SGO2: variants seen among roughly 807,000 people sequenced by gnomAD.
The protein encoded by SGO2 is shugoshin 2.
SGO2 carries 68 observed loss-of-function variants against 99.5 expected under a neutral mutation model. That is an observed-to-expected ratio of 0.68 (90% confidence interval 0.56 to 0.84). The LOEUF is 0.84. Ranked by LOEUF, SGO2 falls within the 40% of genes least tolerant of loss-of-function variation. The probability of loss-of-function intolerance (pLI) is 0.00; values close to 1 mark genes in which losing one functional copy is unlikely to be tolerated. For missense variants in SGO2, 1,350 were observed against 1,436.7 expected, an observed-to-expected ratio of 0.94 and a Z score of 0.97; for synonymous variants, 457 against 487.1, an observed-to-expected ratio of 0.94 and a Z score of 0.81.
intron 8 of SGO2, among the ~76,000 whole-genome samples, chr2:200,578,451 C>CTGCA (rs1195469565): frequency 1.3e-5 from 2 of 152,324 alleles, no homozygotes; most frequent in African/African-American, 4.8e-5. Flanking sequence ...TCTGACAAAG[C>CTGCA]TGCACTAAAG....
In SGO2 at chr2:200,573,385, A is replaced by G. The variant is rs778096688; in HGVS notation, c.3039A>G (p.Ser1013=). 1 of 1,601,888 alleles carries G rather than the reference A, an allele frequency of 6.2e-7. No individual in the cohort carries two copies. Among genetic ancestry groups the G allele is most frequent in the South Asian group, 1.1e-5 (1 of 87,690 alleles). ...TTGCTTCACAGTTAACAGAATCTTC[A>G]CAGACATCTATCTCCTTAGAATCTG... is the stretch of plus-strand genomic sequence containing the variant. ...NKLASQLTES[S]QTSISLESDL... is the part of the protein sequence containing the mutation. The change falls in exon 7 of 9, where the codon TCA becomes TCG. Residue 1013 remains serine (S), a synonymous_variant. Coordinates refer to ENST00000357799, the MANE Select transcript of SGO2 (RefSeq NM_152524.6).
chr2:200,561,456 G>C (rs1417075859), intron 5 of SGO2, among the ~76,000 whole-genome samples: 4 of 151,720 alleles, frequency 2.6e-5, no homozygotes, highest in Non-Finnish European at 5.9e-5. Flanking sequence ...TTGGACATTT[G>C]GGTTGTATAC....
At chr2:200,535,484 G>A (rs1010094005) in intron 3 of SGO2, among the ~76,000 whole-genome samples, 1 of 152,088 alleles carries the variant, frequency 6.6e-6, no homozygotes, top group African/African-American at 2.4e-5. Context: ...TTCTTCCGGT[G>A]TTCTTGAAAG....
chr2:200,573,523 G>A lies in SGO2; in HGVS notation c.3177G>A (p.Val1059=). The change falls in exon 7 of 9, where the codon GTG becomes GTA. Residue 1059 remains valine, a synonymous_variant. Coordinates refer to ENST00000357799, the MANE Select transcript of SGO2 (RefSeq NM_152524.6). The stretch of plus-strand genomic sequence containing the variant: ...TGAATAAAAAAGATCTCCCTTTTGT[G>A]GAAGAAATAAAAGAAGGAGAGTGTC... ...TTLNKKDLPF[V]EEIKEGECQV... is the part of the protein sequence containing the mutation. 6.2e-7 allele frequency: 1 copy of A among 1,611,632 alleles called. No individual in the cohort carries two copies. The highest frequency in any genetic ancestry group is 8.5e-7 in the Non-Finnish European group (1 of 1,179,070).
chr2:200,542,671 A>G lies in SGO2; in HGVS notation c.473+7A>G, dbSNP rs1182350901. The G allele has an allele frequency of 1.9e-6, 3 of 1,607,980 alleles. No homozygotes were observed. The highest frequency in any genetic ancestry group is 2.6e-6 in the Non-Finnish European group (3 of 1,175,446). ...TGCGTCTTCCATTTGCAAGGTAAATATGGGCTTGAATTACACTAGTTCAGA... is the reference window on the plus strand; with the variant it reads ...TGCGTCTTCCATTTGCAAGGTAAATGTGGGCTTGAATTACACTAGTTCAGA... On this transcript the variant is annotated splice_region_variant and intron_variant, in intron 5 of 8. Transcript: ENST00000357799.
At chr2:200,527,015 A>G (rs184904635) in intron 1 of SGO2, among the ~76,000 whole-genome samples, 138 of 152,304 alleles carry the variant, frequency 9.1e-4, no homozygotes, top group African/African-American at 3.2e-3. Context: ...TTGAGATCAC[A>G]TAGCTATGAA....
In SGO2 at chr2:200,573,048, C is replaced by A. The variant is rs1574881235; in HGVS notation, c.2702C>A (p.Ser901Ter). 1 of 1,564,348 alleles carries A rather than the reference C, an allele frequency of 6.4e-7. No individual in the cohort carries two copies. The highest frequency in any genetic ancestry group is 1.2e-5 in the South Asian group (1 of 81,056). The change falls in exon 7 of 9, where the codon TCA becomes TAA. Residue 901 changes from serine (S) to a stop codon, truncating the protein, a stop_gained. Transcript: ENST00000357799. LOFTEE classifies it high-confidence loss of function. ...TDRKSAEQNE[S>*]KINKLRNKVN... ...AGGAAATCTGCTGAGCAAAATGAAT[C>A]AAAAATAAATAAGCTCAGGAATAAA...
intron 5 of SGO2, among the ~76,000 whole-genome samples, chr2:200,558,756 A>T (rs2032820922): frequency 7.3e-6 from 1 of 136,976 alleles, no homozygotes; most frequent in Non-Finnish European, 1.6e-5. Flanking sequence ...TTTAGAAGTT[A>T]TCTGGGCCTG....
In SGO2 at chr2:200,577,035, G is replaced by GTT. The variant is rs747481388; in HGVS notation, c.3782+1586_3782+1587dup. ...TGCAAGGTTTTGTGTGTAAAGTATT[G>GTT]TTTTTTTTTTTTTCTTGGATATATC... On this transcript the variant is annotated intron_variant, in intron 8 of 8. Coordinates refer to ENST00000357799, the MANE Select transcript of SGO2 (RefSeq NM_152524.6). Among the ~76,000 whole-genome samples the GTT allele has an allele frequency of 1.4e-3, 203 of 141,586 alleles. 2 individuals carry two copies. Among genetic ancestry groups the GTT allele is most frequent in the African/African-American group, 4.9e-3 (189 of 38,756 alleles). 92.9% of individuals were successfully genotyped at this position (141,586 alleles called of 152,430 possible). A position where few individuals can be genotyped will look rare whatever the true frequency, so the allele number is the denominator to read the frequency against.
intron 5 of SGO2, among the ~76,000 whole-genome samples, chr2:200,555,842 T>C (rs942262357): frequency 6.6e-6 from 1 of 152,198 alleles, no homozygotes; most frequent in Non-Finnish European, 1.5e-5. Flanking sequence ...TTGAGGGAGA[T>C]CTATCAACTT....
chr2:200,546,047 C>CTA (rs2032194153), intron 5 of SGO2, among the ~76,000 whole-genome samples: 1 of 152,124 alleles, frequency 6.6e-6, no homozygotes, highest in Non-Finnish European at 1.5e-5. Context: ...CATTGCTGTC[C>CTA]TAAACCCTTT....
rs1321184985 is a variant in SGO2, at chr2:200,535,044, T to G, written c.182T>G (p.Leu61Ter). Residue 61 changes from leucine to a stop codon, truncating the protein, a stop_gained, in exon 3 of 9, where the codon TTA becomes TGA. Transcript: ENST00000357799. LOFTEE classifies it high-confidence loss of function. ...KISLKHNNRALAQALSREKEN... is the reference protein window; with the variant it reads ...KISLKHNNRA Reference sequence around the variant, plus strand: ...TCTTTAAAGCACAACAACAGGGCATTAGCTCAGGCTCTTAGTAGAGAAAAA... The same window carrying G: ...TCTTTAAAGCACAACAACAGGGCATGAGCTCAGGCTCTTAGTAGAGAAAAA... The G allele has an allele frequency of 6.4e-7, 1 of 1,553,396 alleles. No homozygotes were observed. The highest frequency in any genetic ancestry group is 8.6e-7 in the Non-Finnish European group (1 of 1,160,908).
intron 5 of SGO2, among the ~76,000 whole-genome samples, chr2:200,556,017 T>A (rs2032699103): frequency 6.6e-6 from 1 of 152,144 alleles, no homozygotes; most frequent in Non-Finnish European, 1.5e-5. Context: ...CAGGCTGGAG[T>A]GCAATGGTGC....
intron 5 of SGO2, among the ~76,000 whole-genome samples, chr2:200,546,145 A>G (rs886831800): frequency 2.6e-5 from 4 of 151,778 alleles, no homozygotes; most frequent in Admixed American, 6.6e-5. Flanking sequence ...CTGGAGCCAA[A>G]AAGAAGGCAG....
chr2:200,542,629 T>A lies in SGO2; in HGVS notation c.438T>A (p.Ser146Arg). 6.2e-7 allele frequency: 1 copy of A among 1,613,272 alleles called. No individual in the cohort carries two copies. The highest frequency in any genetic ancestry group is 8.5e-7 in the Non-Finnish European group (1 of 1,179,598). The change falls in exon 5 of 9, where the codon AGT becomes AGA. Residue 146 changes from serine to arginine, a missense_variant. Coordinates refer to ENST00000357799, the MANE Select transcript of SGO2 (RefSeq NM_152524.6). ...CAGCTAGCAAGAAGAAACGAATTAG[T>A]AAACAGTGCAAGTTGATGCGTCTTC... The part of the protein sequence containing the change: ...LLSASKKKRI[S>R]KQCKLMRLPF...
rs1559219464 is a variant in SGO2, at chr2:200,573,851, A to T, written c.3505A>T (p.Asn1169Tyr). The T allele has an allele frequency of 5.0e-6, 8 of 1,613,272 alleles. No homozygotes were observed. The highest frequency in any genetic ancestry group is 6.8e-6 in the Non-Finnish European group (8 of 1,179,474). Reference sequence around the variant, plus strand: ...ACCTTTGAGCGTTTCTTCTGGTAAAAATGTGATAATAAAAGAAAATTTTGC... The same window carrying T: ...ACCTTTGAGCGTTTCTTCTGGTAAATATGTGATAATAAAAGAAAATTTTGC... ...LVPLSVSSGKNVIIKENFALE... is the reference protein window; with the variant it reads ...LVPLSVSSGKYVIIKENFALE... The change falls in exon 7 of 9, where the codon AAT (asparagine) becomes TAT (tyrosine). Residue 1169 changes from asparagine to tyrosine, a missense_variant. Physicochemically the swap from Asn to Tyr is moderately radical, Grantham distance 143. Coordinates refer to ENST00000357799, the MANE Select transcript of SGO2 (RefSeq NM_152524.6).
chr2:200,576,545 C>T (rs2033670453), intron 8 of SGO2, among the ~76,000 whole-genome samples: 1 of 152,004 alleles, frequency 6.6e-6, no homozygotes, highest in African/African-American at 2.4e-5. Context: ...CACTGCACTC[C>T]AACCTGGGTG....
chr2:200,563,894 C>T (rs1453350007), intron 5 of SGO2, among the ~76,000 whole-genome samples: 5 of 152,062 alleles, frequency 3.3e-5, no homozygotes, highest in South Asian at 2.1e-4. Flanking sequence ...TCTGTGGGAT[C>T]GGTGGTGATA....
At chr2:200,537,324 TTCACC>T (rs1348689785) in intron 4 of SGO2, among the ~76,000 whole-genome samples, 1 of 152,136 alleles carries the variant, frequency 6.6e-6, no homozygotes, top group Non-Finnish European at 1.5e-5. Flanking sequence ...AACCTCTTAC[TTCACC>T]TACTTCCCCG....
Sources: allele counts gnomAD v4.1 joint callset (sites outside exome capture counted in the v4.1 genomes callset), GRCh38; gene constraint gnomAD v4.1.1; transcripts MANE v1.5; gene names NCBI Gene and HGNC (gene_info 2026-07-23, HGNC 2026-07-21).